MICU2: variants seen among roughly 807,000 people sequenced by gnomAD.
MICU2 encodes the protein mitochondrial calcium uptake 2.
Under a neutral mutation model 60.4 loss-of-function variants are expected in MICU2, and 64 were observed. The ratio of observed to expected loss-of-function variants is 1.06; its 90% CI spans 0.87 to 1.31. The LOEUF (loss-of-function observed/expected upper bound fraction) is 1.31. MICU2 is among the 50% of genes most tolerant of loss of function. MICU2 has a pLI of 0.00. For missense variants in MICU2, 569 were observed against 531.0 expected (o/e 1.07, Z -0.70); for synonymous variants, 201 against 175.0 (o/e 1.15, Z -1.17).
chr13:21,499,003 T>A (rs1228869465), intron 9 of MICU2, among the ~76,000 whole-genome samples: 1 of 152,164 alleles, frequency 6.6e-6, no homozygotes, highest in Non-Finnish European at 1.5e-5. Flanking sequence ...CAGTCTGGAG[T>A]GCAGTGGCGT....
At chr13:21,590,972 T>A (rs946391979) in intron 1 of MICU2, among the ~76,000 whole-genome samples, 2 of 152,142 alleles carry the variant, frequency 1.3e-5, no homozygotes, top group African/African-American at 4.8e-5. Flanking sequence ...AGAAACTGCA[T>A]CAACTAGTGT....
intron 9 of MICU2, among the ~76,000 whole-genome samples, chr13:21,498,498 C>CCAGG (rs1318844990): frequency 6.6e-6 from 1 of 151,062 alleles, no homozygotes; most frequent in Non-Finnish European, 1.5e-5. Flanking sequence ...CCTGTCTCAG[C>CCAGG]CGCCTGAGTA....
chr13:21,522,978 A>T (rs1886755217), intron 4 of MICU2, among the ~76,000 whole-genome samples: 1 of 152,166 alleles, frequency 6.6e-6, no homozygotes, highest in Non-Finnish European at 1.5e-5. Flanking sequence ...ACATTGGTAG[A>T]CTCGGTAAAG....
chr13:21,534,470 G>A (rs1887085652), intron 4 of MICU2, among the ~76,000 whole-genome samples: 1 of 152,120 alleles, frequency 6.6e-6, no homozygotes. Flanking sequence ...GCCTCCCAAA[G>A]TGCTGGGGTT....
chr13:21,601,565 C>G (rs1888815259), intron 1 of MICU2, among the ~76,000 whole-genome samples: 1 of 151,912 alleles, frequency 6.6e-6, no homozygotes, highest in Admixed American at 6.6e-5. Flanking sequence ...TCCAAAATAA[C>G]TACACTAGTG....
At chr13:21,600,577 C>T (rs1888791161) in intron 1 of MICU2, among the ~76,000 whole-genome samples, 1 of 152,098 alleles carries the variant, frequency 6.6e-6, no homozygotes, top group South Asian at 2.1e-4. Context: ...GATTTCAAAA[C>T]TTGTGAAAGG....
intron 1 of MICU2, among the ~76,000 whole-genome samples, chr13:21,572,019 T>C (rs1404704789): frequency 6.6e-6 from 1 of 152,238 alleles, no homozygotes; most frequent in Non-Finnish European, 1.5e-5. Context: ...GGATATCTGA[T>C]ACCATGATTC....
intron 2 of MICU2, among the ~76,000 whole-genome samples, chr13:21,554,259 C>T (rs1050293409): frequency 5.9e-5 from 9 of 152,098 alleles, no homozygotes; most frequent in Non-Finnish European, 1.2e-4. Flanking sequence ...ACATCTATTC[C>T]AAAATTGACC....
chr13:21,519,496 G>C (rs1260023423), intron 6 of MICU2, among the ~76,000 whole-genome samples: 3 of 152,080 alleles, frequency 2.0e-5, no homozygotes, highest in African/African-American at 7.2e-5. Context: ...CTCCTTCTCA[G>C]GTTCATTCGT....
chr13:21,530,411 G>C (rs770492373), intron 4 of MICU2, among the ~76,000 whole-genome samples: 2 of 150,842 alleles, frequency 1.3e-5, no homozygotes. Flanking sequence ...TTTTCTAATA[G>C]TTCATCACTA....
intron 7 of MICU2, among the ~76,000 whole-genome samples, chr13:21,513,554 A>G (rs1274115007): frequency 6.6e-6 from 1 of 151,992 alleles, no homozygotes; most frequent in Middle Eastern, 3.2e-3. Flanking sequence ...CCTGACCAAC[A>G]TGGTGAAACC....
rs750035715 is a variant in MICU2, at chr13:21,493,362, C to T, written c.1201-9G>A. 2.9e-5 allele frequency: 46 copies of T among 1,578,288 alleles called. No individual in the cohort carries two copies. The highest frequency in any genetic ancestry group is 3.8e-5 in the Non-Finnish European group (44 of 1,164,424). On this transcript the variant is annotated splice_polypyrimidine_tract_variant and intron_variant, in intron 11 of 11. Coordinates refer to ENST00000382374, the MANE Select transcript of MICU2 (RefSeq NM_152726.3). ...CTCTGATGTTGTGGTACCTGTTAAC[C>T]GAAAGTAAAAATCAAGGGGTCATTG...
At chr13:21,583,134 A>G (rs1888382865) in intron 1 of MICU2, among the ~76,000 whole-genome samples, 1 of 152,176 alleles carries the variant, frequency 6.6e-6, no homozygotes, top group South Asian at 2.1e-4. Flanking sequence ...TCATGCCTGT[A>G]GTCCTAGCTA....
chr13:21,544,516 G>A (rs374643012), intron 2 of MICU2, among the ~76,000 whole-genome samples: 51 of 77,328 alleles, frequency 6.6e-4, no homozygotes, highest in South Asian at 1.1e-3. Context: ...ATAAACACAT[G>A]AAAAAAAAAA....
chr13:21,591,283 G>A (rs1888577727), intron 1 of MICU2, among the ~76,000 whole-genome samples: 2 of 151,712 alleles, frequency 1.3e-5, no homozygotes, highest in African/African-American at 2.4e-5. Flanking sequence ...AGACAAAGAA[G>A]GGCATTACAT....
At chr13:21,562,924 C>A (rs900689362) in intron 2 of MICU2, among the ~76,000 whole-genome samples, 1 of 152,094 alleles carries the variant, frequency 6.6e-6, no homozygotes. Flanking sequence ...TAAATCAGAT[C>A]TACTGGTGAC....
chr13:21,562,156 G>A (rs1317962400), intron 2 of MICU2, among the ~76,000 whole-genome samples: 1 of 151,856 alleles, frequency 6.6e-6, no homozygotes, highest in East Asian at 1.9e-4. Context: ...ATTGTGAATA[G>A]TGCCGCAATC....
chr13:21,577,847 C>T lies in MICU2; in HGVS notation c.211-10903G>A, dbSNP rs148998614. On this transcript the variant is annotated intron_variant, in intron 1 of 11. Coordinates refer to ENST00000382374, the MANE Select transcript of MICU2 (RefSeq NM_152726.3). ...AAAAAAAGTTACCCACATGTGGTGG[C>T]GCACACCTATAGTCCTAGCCACTGA... Among the ~76,000 whole-genome samples the T allele has an allele frequency of 4.5e-3, 662 of 148,232 alleles. 8 individuals are homozygous for T. The highest frequency in any genetic ancestry group is 0.016 in the African/African-American group (623 of 39,938).
chr13:21,524,307 G>A (rs1368177806), intron 4 of MICU2, among the ~76,000 whole-genome samples: 2 of 151,706 alleles, frequency 1.3e-5, no homozygotes, highest in African/African-American at 4.9e-5. Flanking sequence ...TCAATTCATG[G>A]CAGGTCTTGC....
Sources: gnomAD v4.1 joint callset for allele counts (sites outside exome capture counted in the v4.1 genomes callset) on GRCh38, gnomAD v4.1.1 for gene constraint, MANE v1.5 for transcripts, NCBI Gene and HGNC (gene_info 2026-07-23, HGNC 2026-07-21) for gene names.